ARHGAP26: variants seen among roughly 807,000 people sequenced by gnomAD.
ARHGAP26 encodes Rho GTPase activating protein 26.
ARHGAP26 carries 38 observed loss-of-function variants against 104.8 expected under a neutral mutation model. That is an observed-to-expected ratio of 0.36 (90% CI 0.28 to 0.48). The LOEUF is 0.48. ARHGAP26 is among the 20% of genes least tolerant of loss of function. The probability of loss-of-function intolerance (pLI) is 0.99; values close to 1 mark genes in which losing one functional copy is unlikely to be tolerated. For missense variants in ARHGAP26, 704 were observed against 947.9 expected, an observed-to-expected ratio of 0.74 and a Z score of 3.38; for synonymous variants, 341 against 340.0, an observed-to-expected ratio of 1.00 and a Z score of -0.03.
chr5:143,125,535 G>A (rs968679850), intron 18 of ARHGAP26, among the ~76,000 whole-genome samples: 3 of 152,118 alleles, frequency 2.0e-5, no homozygotes, highest in African/African-American at 7.2e-5. Context: ...GACCTGGGAG[G>A]GAAGCAGTGT....
At chr5:142,825,522 G>A (rs1451362845) in intron 1 of ARHGAP26, among the ~76,000 whole-genome samples, 1 of 152,132 alleles carries the variant, frequency 6.6e-6, no homozygotes, top group Non-Finnish European at 1.5e-5. Context: ...CTCTCCTTGG[G>A]GACTGCCTGA....
At chr5:143,044,139 T>G (rs1783878434) in intron 14 of ARHGAP26, among the ~76,000 whole-genome samples, 1 of 152,160 alleles carries the variant, frequency 6.6e-6, no homozygotes, top group Non-Finnish European at 1.5e-5. Context: ...ATATCCATTA[T>G]AATGCTTTTG....
chr5:143,015,083 A>G (rs1779405258), intron 12 of ARHGAP26, among the ~76,000 whole-genome samples: 1 of 152,148 alleles, frequency 6.6e-6, no homozygotes, highest in Non-Finnish European at 1.5e-5. Flanking sequence ...AATATTAAAT[A>G]ATTTGGAATG....
intron 11 of ARHGAP26, among the ~76,000 whole-genome samples, chr5:142,960,224 A>G (rs1769988215): frequency 6.6e-6 from 1 of 152,234 alleles, no homozygotes; most frequent in African/African-American, 2.4e-5. Flanking sequence ...TCCCCTGATG[A>G]CAGAGCACCA....
chr5:143,043,183 C>T (rs961436152), intron 14 of ARHGAP26, among the ~76,000 whole-genome samples: 1 of 152,170 alleles, frequency 6.6e-6, no homozygotes, highest in Admixed American at 6.5e-5. Flanking sequence ...GTTGTACAAG[C>T]ACATACCTCA....
chr5:143,028,258 A>G (rs971103228), intron 12 of ARHGAP26, among the ~76,000 whole-genome samples: 12 of 152,334 alleles, frequency 7.9e-5, no homozygotes, highest in South Asian at 4.1e-4. Context: ...AGTGTTAGCC[A>G]CGGTTATCAT....
intron 1 of ARHGAP26, among the ~76,000 whole-genome samples, chr5:142,800,916 T>G (rs959439261): frequency 6.6e-6 from 1 of 152,106 alleles, no homozygotes. Context: ...TTTGTTCCAG[T>G]CTAAGAAGGT....
intron 11 of ARHGAP26, among the ~76,000 whole-genome samples, chr5:142,947,517 A>T (rs1767336412): frequency 6.6e-6 from 1 of 152,214 alleles, no homozygotes; most frequent in South Asian, 2.1e-4. Context: ...GTGTGTTGTC[A>T]TGCCAGGGAG....
rs1357039161 is a variant in ARHGAP26 at position 143,227,424 on chromosome 5, T to G, written c.*4978T>G. 1 of 231,282 alleles carries G rather than the reference T, an allele frequency of 4.3e-6. No individual in the cohort carries two copies. The highest frequency in any genetic ancestry group is 2.2e-5 in the African/African-American group (1 of 45,222). 14.3% of individuals were successfully genotyped at this position (231,282 alleles called of 1,614,324 possible). Reference sequence around the variant, plus strand: ...GGATGTCTTCTCACCCACCCTGTGCTGGTGTCTAACAAATTTATCTTGTCA... The same window carrying G: ...GGATGTCTTCTCACCCACCCTGTGCGGGTGTCTAACAAATTTATCTTGTCA... On this transcript the variant is annotated 3_prime_UTR_variant, in exon 23 of 23. Coordinates refer to ENST00000645722, the MANE Select transcript of ARHGAP26 (RefSeq NM_001135608.3).
At chr5:142,950,762 AAC>A (rs1318961919) in intron 11 of ARHGAP26, among the ~76,000 whole-genome samples, 2 of 152,194 alleles carry the variant, frequency 1.3e-5, no homozygotes, top group Non-Finnish European at 2.9e-5. Context: ...GTAAATACAC[AAC>A]ACAAAGATGA....
At chr5:143,059,804 C>G (rs868110947) in intron 17 of ARHGAP26, among the ~76,000 whole-genome samples, 1 of 152,062 alleles carries the variant, frequency 6.6e-6, no homozygotes, top group African/African-American at 2.4e-5. Flanking sequence ...ATTTAATTAT[C>G]AAGAAATCTA....
chr5:143,216,983 C>T (rs899157051), intron 22 of ARHGAP26, among the ~76,000 whole-genome samples: 6 of 151,982 alleles, frequency 3.9e-5, no homozygotes, highest in Non-Finnish European at 7.4e-5. Context: ...TTCTGTCAGG[C>T]GGTGGGTGGG....
chr5:142,873,384 G>T lies in ARHGAP26; in HGVS notation c.155-16G>T. 6.3e-7 allele frequency: 1 copy of T among 1,585,648 alleles called. No homozygotes were observed. Among genetic ancestry groups the T allele is most frequent in the Admixed American group, 1.9e-5 (1 of 53,368 alleles). On this transcript the variant is annotated splice_polypyrimidine_tract_variant and intron_variant, in intron 1 of 22. Transcript: ENST00000645722. ...ATTTTAGTAATTCCTGATTTTTCCT[G>T]TCTTTTTCTTGCTAGATTTGTCTTC...
intron 20 of ARHGAP26, among the ~76,000 whole-genome samples, chr5:143,177,916 C>T (rs1047714398): frequency 6.6e-6 from 1 of 150,912 alleles, no homozygotes; most frequent in Non-Finnish European, 1.5e-5. Context: ...CTACTATCTC[C>T]TACATTTTCT....
At chr5:143,047,517 A>G (rs986337373) in intron 14 of ARHGAP26, among the ~76,000 whole-genome samples, 4 of 152,190 alleles carry the variant, frequency 2.6e-5, no homozygotes, top group Admixed American at 6.5e-5. Context: ...TTGCTGGGTC[A>G]AGGTATGTAC....
chr5:143,070,974 A>G (rs992578218), intron 17 of ARHGAP26, among the ~76,000 whole-genome samples: 2 of 152,180 alleles, frequency 1.3e-5, no homozygotes, highest in Non-Finnish European at 2.9e-5. Flanking sequence ...AAAGTCCTAA[A>G]ACTTATATGG....
intron 20 of ARHGAP26, chr5:143,166,098 G>T (rs1801904008): frequency 7.6e-7 from 1 of 1,310,252 alleles, no homozygotes. Flanking sequence ...TGGGCACAAG[G>T]TGAGAAGGGA....
Position 143,225,519 on chromosome 5 carries a change from C to T in ARHGAP26, c.*3073C>T, listed in dbSNP as rs1811590184. On this transcript the variant is annotated 3_prime_UTR_variant, in exon 23 of 23. Coordinates refer to ENST00000645722, the MANE Select transcript of ARHGAP26 (RefSeq NM_001135608.3). ...TGATGTTTGAAGTTGTAATCTGTCC[C>T]ATCATAAACTTACCTGGAGCTCATG... 4.8e-6 allele frequency: 1 copy of T among 208,816 alleles called. No homozygotes were observed. The highest frequency in any genetic ancestry group is 2.3e-5 in the African/African-American group (1 of 43,950). The allele number at this position is 208,816 out of a possible 1,614,324, so 12.9% of individuals were successfully genotyped here. A position where few individuals can be genotyped will look rare whatever the true frequency, so the allele number is the denominator to read the frequency against.
At chr5:142,993,875 T>A (rs915556180) in intron 11 of ARHGAP26, among the ~76,000 whole-genome samples, 1 of 151,970 alleles carries the variant, frequency 6.6e-6, no homozygotes, top group Non-Finnish European at 1.5e-5. Flanking sequence ...CTCCTTATGT[T>A]GCCCAGATCA....
Sources: gnomAD v4.1 joint callset for allele counts (sites outside exome capture counted in the v4.1 genomes callset) on GRCh38, gnomAD v4.1.1 for gene constraint, MANE v1.5 for transcripts, NCBI Gene and HGNC (gene_info 2026-07-23, HGNC 2026-07-21) for gene names.